CD226: variants seen among roughly 807,000 people sequenced by gnomAD.
CD226 encodes the protein CD226 molecule.
In CD226, 24 loss-of-function variants were observed where a neutral mutation model predicts 34.9. The ratio of observed to expected loss-of-function variants is 0.69; its 90% confidence interval spans 0.50 to 0.97. The LOEUF (loss-of-function observed/expected upper bound fraction) is 0.97. Among genes scored for constraint, CD226 ranks in the 50% least tolerant of loss-of-function variants. CD226 has a pLI of 0.00. For synonymous variants in CD226, 148 were observed against 147.4 expected, an observed-to-expected ratio of 1.00 and a Z score of -0.03; for missense variants, 397 against 412.7, an observed-to-expected ratio of 0.96 and a Z score of 0.33.
At chr18:69,925,752 A>G (rs1476068872) in intron 2 of CD226, among the ~76,000 whole-genome samples, 12 of 152,170 alleles carry the variant, frequency 7.9e-5, no homozygotes. Flanking sequence ...ACAGTCCACG[A>G]TACCATCAAT....
Position 69,895,934 on chromosome 18 carries a change from C to T in CD226, c.494G>A (p.Trp165Ter), listed in dbSNP as rs1353476095. 1 of 1,614,138 alleles carries T rather than the reference C, an allele frequency of 6.2e-7. No homozygotes were observed. Among genetic ancestry groups the T allele is most frequent in the Admixed American group, 1.7e-5 (1 of 60,020 alleles). ...QMTWPVQAVR[W>*]EKIQPRQIDL... ...GATCTGACGGGGCTGGATCTTTTCC[C>T]ACCTCACTGCCTGCACAGGCCACGT... The change falls in exon 3 of 6, where the codon TGG becomes TAG. Residue 165 changes from tryptophan (W) to a stop codon, truncating the protein, a stop_gained. Transcript: ENST00000582621. LOFTEE classifies it high-confidence loss of function.
intron 1 of CD226, chr18:69,956,492 GATCT>G (rs760128890): frequency 2.6e-5 from 4 of 152,136 alleles, no homozygotes; most frequent in African/African-American, 4.8e-5. Context: ...TTTACGATCA[GATCT>G]ATTATAAATA....
At chr18:69,888,178 CTT>C (rs1984672763) in intron 3 of CD226, among the ~76,000 whole-genome samples, 1 of 152,186 alleles carries the variant, frequency 6.6e-6, no homozygotes, top group African/African-American at 2.4e-5. Context: ...ATAAGAATAA[CTT>C]ATTTTACATT....
intron 4 of CD226, among the ~76,000 whole-genome samples, chr18:69,870,252 A>G (rs994795236): frequency 6.0e-5 from 9 of 151,016 alleles, no homozygotes; most frequent in Non-Finnish European, 4.4e-5. Context: ...GCACATCTAT[A>G]GAACACAGTT....
intron 2 of CD226, among the ~76,000 whole-genome samples, chr18:69,907,180 C>G (rs2055265143): frequency 6.6e-6 from 1 of 152,214 alleles, no homozygotes; most frequent in Non-Finnish European, 1.5e-5. Context: ...GGGTCCTTTT[C>G]ACATTTATCC....
upstream of CD226, among the ~76,000 whole-genome samples, chr18:69,951,790 A>T (rs1487532274): frequency 6.6e-6 from 1 of 152,214 alleles, no homozygotes; most frequent in Non-Finnish European, 1.5e-5. Flanking sequence ...GTTAGGTAGG[A>T]TGTGGAGGAA....
At chr18:69,880,964 T>C (rs1298933998) in intron 3 of CD226, among the ~76,000 whole-genome samples, 1 of 152,166 alleles carries the variant, frequency 6.6e-6, no homozygotes, top group Non-Finnish European at 1.5e-5. Flanking sequence ...TTTTAAGATT[T>C]ATCATACAGC....
chr18:69,871,263 C>T (rs1599375798), intron 4 of CD226, among the ~76,000 whole-genome samples: 1 of 152,272 alleles, frequency 6.6e-6, no homozygotes, highest in East Asian at 1.9e-4. Context: ...GTCCGTGGTG[C>T]TACTAACACC....
upstream of CD226, among the ~76,000 whole-genome samples, chr18:69,952,706 A>G (rs541429675): frequency 6.6e-6 from 1 of 152,358 alleles, no homozygotes; most frequent in South Asian, 2.1e-4. Context: ...ATTCTTAGAC[A>G]TGACAGCAAA....
At chr18:69,870,272 CTTTTT>C (rs66643759) in intron 4 of CD226, among the ~76,000 whole-genome samples, 3 of 124,100 alleles carry the variant, frequency 2.4e-5, no homozygotes, top group Admixed American at 1.8e-4. Flanking sequence ...TTGGCTCCCC[CTTTTT>C]TTTTTTTTTT....
At position 69,946,910 on chromosome 18, in the gene CD226, A is replaced by C. The variant is rs2055800350; in HGVS notation, c.206T>G (p.Met69Arg). 17 of 1,614,214 alleles carry C rather than the reference A, an allele frequency of 1.1e-5. No homozygotes were observed. The highest frequency in any genetic ancestry group is 1.4e-5 in the Non-Finnish European group (17 of 1,180,032). The change falls in exon 2 of 6, where the codon ATG becomes AGG. Residue 69 changes from methionine to arginine, a missense_variant. Coordinates refer to ENST00000582621, the MANE Select transcript of CD226 (RefSeq NM_001303618.2). ...SIAIFSPTHG[M>R]VIRKPYAERV... ...CTCAGCATAGGGCTTCCTTATGACC[A>C]TGCCATGAGTAGGGCTGAAAATGGC...
rs980347039 is a variant in CD226 at position 69,895,748 on chromosome 18, C to A, written c.680G>T (p.Ser227Ile). ...SGLYRCYLQA[S>I]AGENETFVMR... ...CACGAAGGTTTCGTTTTCTCCTGCG[C>A]TGGCCTGCAAGTAGCAGCGGTAAAG... Residue 227 changes from serine (S) to isoleucine (I), a missense_variant, in exon 3 of 6, where the codon AGC (serine) becomes ATC (isoleucine). By Grantham distance (142) the Ser-to-Ile change is moderately radical (BLOSUM62 -2). Coordinates refer to ENST00000582621, the MANE Select transcript of CD226 (RefSeq NM_001303618.2). 2 of 1,614,182 alleles carry A rather than the reference C, an allele frequency of 1.2e-6. No individual in the cohort carries two copies. Among genetic ancestry groups the A allele is most frequent in the African/African-American group, 2.7e-5 (2 of 75,048 alleles).
At chr18:69,959,569 C>T (rs578093252), upstream of CD226, among the ~76,000 whole-genome samples, 5 of 152,114 alleles carry the variant, frequency 3.3e-5, no homozygotes, top group Non-Finnish European at 7.3e-5. Flanking sequence ...TCTGCCTTTC[C>T]TGTACAAATT....
chr18:69,915,533 A>G (rs1242240491), intron 2 of CD226, among the ~76,000 whole-genome samples: 1 of 152,330 alleles, frequency 6.6e-6, no homozygotes, highest in Non-Finnish European at 1.5e-5. Flanking sequence ...TATGCTTCCT[A>G]TGAATTGGTA....
intron 2 of CD226, among the ~76,000 whole-genome samples, chr18:69,919,186 A>G (rs2055421267): frequency 6.6e-6 from 1 of 152,202 alleles, no homozygotes. Context: ...TGAGTACTGG[A>G]TATTATCTCA....
At chr18:69,921,596 A>C (rs1379913962) in intron 2 of CD226, among the ~76,000 whole-genome samples, 1 of 152,228 alleles carries the variant, frequency 6.6e-6, no homozygotes, top group East Asian at 1.9e-4. Flanking sequence ...GCCACAAGGC[A>C]GAACATCACA....
intron 2 of CD226, 195 bp from the exon 3 acceptor site, chr18:69,896,240 G>T: frequency 1.3e-6 from 1 of 773,678 alleles, no homozygotes; most frequent in Non-Finnish European, 1.6e-6. Context: ...AGAGTGCAGT[G>T]GTGTGATCTC....
chr18:69,902,755 C>T lies in CD226; in HGVS notation c.383-6710G>A, dbSNP rs562430199. Among the ~76,000 whole-genome samples, 13 of 151,982 alleles carry T rather than the reference C, an allele frequency of 8.6e-5. No homozygotes were observed. In the South Asian group the frequency reaches 2.3e-3, roughly 27 times the overall value. On this transcript the variant is annotated intron_variant, in intron 2 of 5. Transcript: ENST00000582621. ...AGCACGAGACGATAACTTGTTCTTA[C>T]GATGCTTCAAATAGACTAAAAATTA...
At chr18:69,885,661 G>T (rs550371507) in intron 3 of CD226, among the ~76,000 whole-genome samples, 47 of 152,098 alleles carry the variant, frequency 3.1e-4, no homozygotes, top group Non-Finnish European at 5.1e-4. Context: ...TTGCGCAGAG[G>T]CTACTCCTAA....
Sources: allele counts gnomAD v4.1 joint callset (sites outside exome capture counted in the v4.1 genomes callset), GRCh38; gene constraint gnomAD v4.1.1; transcripts MANE v1.5; gene names NCBI Gene and HGNC (gene_info 2026-07-23, HGNC 2026-07-21).